Variants in KCNQ1 observed in about 807,000 individuals in gnomAD.
KCNQ1 encodes the protein potassium voltage-gated channel subfamily Q member 1.
A neutral mutation model predicts 72.4 loss-of-function variants in KCNQ1; 49 were observed. That is an observed-to-expected ratio of 0.68 (90% CI 0.54 to 0.86). The LOEUF is 0.86. KCNQ1 is among the 40% of genes least tolerant of loss of function. The pLI, the probability that KCNQ1 is intolerant of heterozygous loss-of-function variation, is 0.00. For missense variants in KCNQ1, 790 were observed against 945.1 expected (o/e 0.84, Z 2.15); for synonymous variants, 450 against 412.6 (o/e 1.09, Z -1.10).
At chr11:2,485,417 T>C (rs1846726103) in intron 1 of KCNQ1, among the ~76,000 whole-genome samples, 1 of 145,276 alleles carries the variant, frequency 6.9e-6, no homozygotes, top group South Asian at 2.3e-4. Flanking sequence ...ATGTCTCTCT[T>C]GCAGGCCTCT....
rs1440527497 is a variant in KCNQ1, at chr11:2,572,825, A to G, written c.781-21A>G. ...CAGCCTGCGGTTCCTGGAGCCCGACACTGTGTGTTTTCTGGCCTAGGAGCT... is the reference window on the plus strand; with the variant it reads ...CAGCCTGCGGTTCCTGGAGCCCGACGCTGTGTGTTTTCTGGCCTAGGAGCT... On this transcript the variant is annotated intron_variant, in intron 5 of 15. Transcript: ENST00000155840. 7 of 1,613,418 alleles carry G rather than the reference A, an allele frequency of 4.3e-6. No homozygotes were observed. The African/African-American group carries it at 8.0e-5, about 18-fold the overall frequency.
rs2133791119 is a variant in KCNQ1, at chr11:2,611,185, G to T, written c.1393+22331G>T. On this transcript the variant is annotated intron_variant, in intron 10 of 15. Transcript: ENST00000155840. The surrounding 1 kb of genome is among the most constrained non-coding windows in gnomAD (Gnocchi z 5.3). ...GCTTCTCAGTATCTCTAATAACATG[G>T]TTTGTTTTTAAAGTCTATTTTGTCT... 2.5e-6 allele frequency: 1 copy of T among 398,112 alleles called. No homozygotes were observed. Among genetic ancestry groups the T allele is most frequent in the African/African-American group, 2.1e-5 (1 of 48,600 alleles). The allele number at this position is 398,112 out of a possible 1,614,324, so 24.7% of individuals were successfully genotyped here.
chr11:2,731,139 C>T (rs1845852710), intron 11 of KCNQ1, among the ~76,000 whole-genome samples: 1 of 152,200 alleles, frequency 6.6e-6, no homozygotes, highest in Non-Finnish European at 1.5e-5. Flanking sequence ...GCAGGGGCTG[C>T]GTTGCCCAGC....
chr11:2,636,575 G>C (rs1849469180), intron 10 of KCNQ1: 1 of 152,182 alleles, frequency 6.6e-6, no homozygotes, highest in Non-Finnish European at 1.5e-5. Flanking sequence ...TGTGCTGCTG[G>C]ATTCGGTTTG....
Position 2,725,991 on chromosome 11 carries a change from G to A in KCNQ1, c.1515-42853G>A, listed in dbSNP as rs980452042. 1.4e-4 allele frequency among the ~76,000 whole-genome samples: 22 copies of A among 152,256 alleles called. No homozygotes were observed. The highest frequency in any genetic ancestry group is 2.9e-4 in the Non-Finnish European group (20 of 68,052). ...TAAGGCCTCGCCAAGAAAAACAGCA[G>A]GCTAAAGACCCCTGATTTCTTCATG... On this transcript the variant is annotated intron_variant, in intron 11 of 15. Transcript: ENST00000155840. This position sits in a 1 kb window ranked among gnomAD's most constrained non-coding sequence, Gnocchi z 7.2.
intron 11 of KCNQ1, among the ~76,000 whole-genome samples, chr11:2,722,170 T>C (rs539278668): frequency 6.6e-6 from 1 of 151,910 alleles, no homozygotes; most frequent in Admixed American, 6.5e-5. Context: ...GCTTGGTGAG[T>C]CAGGGCTGGG....
chr11:2,650,523 A>G (rs183230656), intron 10 of KCNQ1: 13 of 398,710 alleles, frequency 3.3e-5, no homozygotes, highest in Non-Finnish European at 5.7e-5. Flanking sequence ...TATAATCCAC[A>G]TCAGTGGTAT....
intron 15 of KCNQ1, among the ~76,000 whole-genome samples, chr11:2,804,827 G>A (rs1338743785): frequency 1.3e-5 from 2 of 152,164 alleles, no homozygotes; most frequent in Non-Finnish European, 2.9e-5. Context: ...TGATGCTGCT[G>A]TTCATCCCAT....
At chr11:2,505,049 C>A (rs1847080755) in intron 1 of KCNQ1, among the ~76,000 whole-genome samples, 1 of 149,498 alleles carries the variant, frequency 6.7e-6, no homozygotes, top group East Asian at 1.9e-4. Context: ...TCTAATTTCC[C>A]TTCTGATTTT....
chr11:2,582,001 G>C (rs570990398), intron 6 of KCNQ1, among the ~76,000 whole-genome samples: 2 of 152,226 alleles, frequency 1.3e-5, no homozygotes, highest in Non-Finnish European at 2.9e-5. Flanking sequence ...CGAACGTGCG[G>C]TCAGGGCACT....
In KCNQ1 at chr11:2,601,527, G is replaced by T. The variant is rs185420694; in HGVS notation, c.1393+12673G>T. Among the ~76,000 whole-genome samples the T allele has an allele frequency of 1.3e-5, 2 of 152,080 alleles. No homozygotes were observed. Among genetic ancestry groups the T allele is most frequent in the African/African-American group, 4.8e-5 (2 of 41,392 alleles). On this transcript the variant is annotated intron_variant, in intron 10 of 15. Transcript: ENST00000155840. The surrounding 1 kb of genome is among the most constrained non-coding windows in gnomAD (Gnocchi z 5.2). ...AAGAGTCCAGATGCAGAGTGCTCCC[G>T]TCGCCACGGGGTTCCCATTATTTGT...
chr11:2,847,982 G>A lies in KCNQ1; in HGVS notation c.2010G>A (p.Arg670=), dbSNP rs1848370325. 4 of 1,549,776 alleles carry A rather than the reference G, an allele frequency of 2.6e-6. No individual in the cohort carries two copies. The highest frequency in any genetic ancestry group is 3.5e-6 in the Non-Finnish European group (4 of 1,145,184). The change falls in exon 16 of 16, where the codon AGG becomes AGA. Residue 670 remains arginine, a synonymous_variant. Transcript: ENST00000155840. Reference sequence around the variant, plus strand: ...ACGAGCAGCTGACCGTGCCCAGGAGGGGCCCCGATGAGGGGTCCTGAGGAG... The same window carrying A: ...ACGAGCAGCTGACCGTGCCCAGGAGAGGCCCCGATGAGGGGTCCTGAGGAG... The part of the protein sequence containing the change: ...PTYEQLTVPR[R]GPDEGS
chr11:2,613,900 A>G lies in KCNQ1; in HGVS notation c.1393+25046A>G. 2 of 398,552 alleles carry G rather than the reference A, an allele frequency of 5.0e-6. No homozygotes were observed. Among genetic ancestry groups the G allele is most frequent in the Non-Finnish European group, 8.8e-6 (2 of 226,046 alleles). 24.7% of individuals were successfully genotyped at this position (398,552 alleles called of 1,614,324 possible). On this transcript the variant is annotated intron_variant, in intron 10 of 15. Coordinates refer to ENST00000155840, the MANE Select transcript of KCNQ1 (RefSeq NM_000218.3). The surrounding 1 kb of genome is among the most constrained non-coding windows in gnomAD (Gnocchi z 4.8). ...GACATGATTATTTTCTCATTTCCCA[A>G]AAAAGTACTATTCTGTATATGCCCT...
At chr11:2,456,895 C>T (rs1267982497) in intron 1 of KCNQ1, among the ~76,000 whole-genome samples, 11 of 142,296 alleles carry the variant, frequency 7.7e-5, no homozygotes, top group East Asian at 2.1e-4. Context: ...GCCGAGATCA[C>T]GCCACTGCAC....
At chr11:2,461,938 T>C (rs2133582961) in intron 1 of KCNQ1, 2 of 392,062 alleles carry the variant, frequency 5.1e-6, no homozygotes, top group South Asian at 3.8e-5. Flanking sequence ...AGCTGTCTGC[T>C]GTCTGCTGTC....
chr11:2,679,986 T>C lies in KCNQ1; in HGVS notation c.1514+17905T>C. ...TCGGCTTACTGCAACCTCTACCTCCTGGGTTCAAGCAATTCTCCTGCCTTA... is the reference window on the plus strand; with the variant it reads ...TCGGCTTACTGCAACCTCTACCTCCCGGGTTCAAGCAATTCTCCTGCCTTA... On this transcript the variant is annotated intron_variant, in intron 11 of 15. Transcript: ENST00000155840. This position sits in a 1 kb window ranked among gnomAD's most constrained non-coding sequence, Gnocchi z 4.8. The C allele has an allele frequency of 2.5e-6, 1 of 397,042 alleles. No homozygotes were observed. Among genetic ancestry groups the C allele is most frequent in the Middle Eastern group, 6.3e-4 (1 of 1,576 alleles). 24.6% of individuals were successfully genotyped at this position (397,042 alleles called of 1,614,324 possible). A position where few individuals can be genotyped will look rare whatever the true frequency, so the allele number is the denominator to read the frequency against.
At position 2,621,197 on chromosome 11, in the gene KCNQ1, C is replaced by T. The variant is rs551357125; in HGVS notation, c.1393+32343C>T. The T allele has an allele frequency of 8.8e-5, 35 of 397,550 alleles. No individual in the cohort carries two copies. In the South Asian group the frequency reaches 1.3e-3, roughly 14 times the overall value. 24.6% of individuals were successfully genotyped at this position (397,550 alleles called of 1,614,324 possible). A position where few individuals can be genotyped will look rare whatever the true frequency, so the allele number is the denominator to read the frequency against. ...TTCACCATGTTGGCCAGGATGGTCT[C>T]GAATACCTGACCCCAGATGATCCAC... On this transcript the variant is annotated intron_variant, in intron 10 of 15. Coordinates refer to ENST00000155840, the MANE Select transcript of KCNQ1 (RefSeq NM_000218.3). This position sits in a 1 kb window ranked among gnomAD's most constrained non-coding sequence, Gnocchi z 5.7.
chr11:2,591,909 C>T (rs1589971384), intron 10 of KCNQ1, among the ~76,000 whole-genome samples: 3 of 152,362 alleles, frequency 2.0e-5, no homozygotes, highest in South Asian at 2.1e-4. Flanking sequence ...CCCCTTTGCC[C>T]AGGAGGCTCT....
chr11:2,571,414 G>A lies in KCNQ1; in HGVS notation c.683+11G>A. On this transcript the variant is annotated intron_variant, in intron 4 of 15. Coordinates refer to ENST00000155840, the MANE Select transcript of KCNQ1 (RefSeq NM_000218.3). Reference sequence around the variant, plus strand: ...CACGTCGGCCATCAGGTGCGTCTGTGCCACAAGCTCCCCCCGCCATGCCGC... The same window carrying A: ...CACGTCGGCCATCAGGTGCGTCTGTACCACAAGCTCCCCCCGCCATGCCGC... 1 of 1,607,154 alleles carries A rather than the reference G, an allele frequency of 6.2e-7. No homozygotes were observed.
Sources: gnomAD v4.1 joint callset for allele counts (sites outside exome capture counted in the v4.1 genomes callset) on GRCh38, gnomAD v4.1.1 for gene constraint, Gnocchi (gnomAD v3.1) non-coding constraint, MANE v1.5 for transcripts, NCBI Gene and HGNC (gene_info 2026-07-23, HGNC 2026-07-21) for gene names.